The following RPL13 variants were observed in gnomAD, a reference collection of about 807,000 sequenced individuals.
RPL13 encodes the protein ribosomal protein L13.
RPL13 carries 1 observed loss-of-function variant against 21.4 expected under a neutral mutation model. The ratio of observed to expected loss-of-function variants is 0.05; its 90% CI spans 0.02 to 0.22. RPL13 has a LOEUF of 0.22. Ranked by LOEUF, RPL13 falls within the 10% of genes least tolerant of loss-of-function variation. The pLI is 1.00. For synonymous variants in RPL13, 143 were observed against 120.5 expected (o/e 1.19, Z -1.23); for missense variants, 289 against 303.0 (o/e 0.95, Z 0.34).
rs1339544074 is a variant in RPL13 at position 89,564,181 on chromosome 16, G to T, written c.*1139G>T. 1 of 152,140 alleles carries T rather than the reference G, an allele frequency of 6.6e-6. No homozygotes were observed. Among genetic ancestry groups the T allele is most frequent in the African/African-American group, 2.4e-5 (1 of 41,454 alleles). 9.4% of individuals were successfully genotyped at this position (152,140 alleles called of 1,614,324 possible). A position where few individuals can be genotyped will look rare whatever the true frequency, so the allele number is the denominator to read the frequency against. ...GATTCTGTTTTGTCTACATGCCTCT[G>T]CCGGGTGCCGGTATTGAGGCACCCA... On this transcript the variant is annotated 3_prime_UTR_variant, in exon 6 of 6. Transcript: ENST00000311528.
chr16:89,565,173 G>C (rs2058775989), downstream of RPL13: 1 of 152,410 alleles, frequency 6.6e-6, no homozygotes, highest in African/African-American at 2.4e-5. Flanking sequence ...TAACAGGAGA[G>C]GATGGGCTTT....
Position 89,562,419 on chromosome 16 carries a change from C to G in RPL13, c.477+28C>G, listed in dbSNP as rs768460799. On this transcript the variant is annotated intron_variant, in intron 5 of 5. Transcript: ENST00000311528. ...AAGTGAACACTTACTCAAATCCAGG[C>G]TTCAGACGAGATCAGTGGGTGAACA... 1.1e-5 allele frequency: 17 copies of G among 1,606,078 alleles called. No individual in the cohort carries two copies. The Middle Eastern group carries it at 5.0e-4, about 47-fold the overall frequency.
At chr16:89,561,526 G>C (rs765604668) in intron 3 of RPL13, 52 bp from the exon 4 acceptor site, 25 of 1,612,754 alleles carry the variant, frequency 1.6e-5, no homozygotes, top group Non-Finnish European at 2.0e-5. Context: ...TCCAGGCCTC[G>C]GGGCTGGAGA....
chr16:89,564,856 C>T (rs1291165900), downstream of RPL13: 5 of 152,896 alleles, frequency 3.3e-5, no homozygotes, highest in Admixed American at 3.3e-4. Flanking sequence ...TTCCTGCTGC[C>T]TGCGGGGCCG....
chr16:89,566,247 G>T (rs1351138879), downstream of RPL13: 1 of 150,858 alleles, frequency 6.6e-6, no homozygotes, highest in African/African-American at 2.4e-5. Context: ...CACGTGCCCC[G>T]GTGATCGGGG....
intron 4 of RPL13, chr16:89,561,999 T>C: frequency 1.7e-6 from 1 of 591,332 alleles, no homozygotes. Flanking sequence ...ATGCTTCGTA[T>C]TCCAAAATAT....
At position 89,561,336 on chromosome 16, in the gene RPL13, G is replaced by C; in HGVS notation, c.214G>C (p.Ala72Pro). 1.3e-6 allele frequency: 2 copies of C among 1,599,836 alleles called. No homozygotes were observed. Among genetic ancestry groups the C allele is most frequent in the Non-Finnish European group, 1.7e-6 (2 of 1,177,354 alleles). Residue 72 changes from alanine (A) to proline (P), a missense_variant, in exon 3 of 6, where the codon GCC becomes CCC. By Grantham distance (27) the Ala-to-Pro change is conservative. Coordinates refer to ENST00000311528, the MANE Select transcript of RPL13 (RefSeq NM_000977.4). ...GGTTCGGTACCACACGAAGGTGCGCGCCGGCCGCGGCTTCAGCCTGGAGGA... is the reference window on the plus strand; with the variant it reads ...GGTTCGGTACCACACGAAGGTGCGCCCCGGCCGCGGCTTCAGCCTGGAGGA... ...PTVRYHTKVR[A>P]GRGFSLEELR...
chr16:89,566,428 T>G (rs966664640), downstream of RPL13: 1 of 152,266 alleles, frequency 6.6e-6, no homozygotes, highest in Non-Finnish European at 1.5e-5. Context: ...CATGTATTGT[T>G]TATTTTGCTT....
intron 5 of RPL13, 174 bp from the exon 6 acceptor site, chr16:89,562,710 C>CTTT: frequency 3.7e-6 from 2 of 541,496 alleles, no homozygotes; most frequent in Non-Finnish European, 5.9e-6. Flanking sequence ...GAGGGTTTTT[C>CTTT]TTTTTTTTTT....
rs771208542 is a variant in RPL13, at chr16:89,561,423, C to T, written c.246+55C>T. On this transcript the variant is annotated intron_variant, in intron 3 of 5. Coordinates refer to ENST00000311528, the MANE Select transcript of RPL13 (RefSeq NM_000977.4). ...AAGGCCCCGAAGTCCCCTCTGTTGG[C>T]CTCAGTCGCGTGATGACATTCTCCG... is the stretch of plus-strand genomic sequence containing the variant. The T allele has an allele frequency of 1.9e-6, 3 of 1,612,552 alleles. No homozygotes were observed. The Admixed American group carries it at 5.0e-5, about 27-fold the overall frequency.
In RPL13 at chr16:89,564,166, T is replaced by C. The variant is rs953905531; in HGVS notation, c.*1124T>C. The C allele has an allele frequency of 6.6e-6, 1 of 152,138 alleles. No homozygotes were observed. Among genetic ancestry groups the C allele is most frequent in the Admixed American group, 6.5e-5 (1 of 15,290 alleles). 9.4% of individuals were successfully genotyped at this position (152,138 alleles called of 1,614,324 possible). A position where few individuals can be genotyped will look rare whatever the true frequency, so the allele number is the denominator to read the frequency against. ...TCAGGGACCGAGTCAGATTCTGTTT[T>C]GTCTACATGCCTCTGCCGGGTGCCG... On this transcript the variant is annotated 3_prime_UTR_variant, in exon 6 of 6. Coordinates refer to ENST00000311528, the MANE Select transcript of RPL13 (RefSeq NM_000977.4).
At position 89,564,045 on chromosome 16, in the gene RPL13, GC is replaced by G. The variant is rs1423463521; in HGVS notation, c.*1004del. 6.6e-6 allele frequency: 1 copy of G among 152,232 alleles called. No individual in the cohort carries two copies. Among genetic ancestry groups the G allele is most frequent in the African/African-American group, 2.4e-5 (1 of 41,452 alleles). 9.4% of individuals were successfully genotyped at this position (152,232 alleles called of 1,614,324 possible). A position where few individuals can be genotyped will look rare whatever the true frequency, so the allele number is the denominator to read the frequency against. ...GTCCGAGGGCAGCATGGTTTCTCGT[GC>G]AGTGCTCAGACACAGCCTGCCCTAG... On this transcript the variant is annotated 3_prime_UTR_variant, in exon 6 of 6. Coordinates refer to ENST00000311528, the MANE Select transcript of RPL13 (RefSeq NM_000977.4).
At position 89,563,995 on chromosome 16, in the gene RPL13, G is replaced by A. The variant is rs1205410070; in HGVS notation, c.*953G>A. On this transcript the variant is annotated 3_prime_UTR_variant, in exon 6 of 6. Transcript: ENST00000311528. ...AGAGAGTGCCAGGGTGCCCTGGTCT[G>A]AGCTGGCATCCCCATGTCTTCTGTG... 2 of 152,230 alleles carry A rather than the reference G, an allele frequency of 1.3e-5. No individual in the cohort carries two copies. Among genetic ancestry groups the A allele is most frequent in the African/African-American group, 4.8e-5 (2 of 41,460 alleles). 9.4% of individuals were successfully genotyped at this position (152,230 alleles called of 1,614,324 possible).
At position 89,562,919 on chromosome 16, in the gene RPL13, G is replaced by A. The variant is rs200858724; in HGVS notation, c.513G>A (p.Glu171=). ...AGGAGAAAGCTCGAGTCATCACTGA[G>A]GAAGAGAAGAATTTCAAAGCCTTCG... The part of the protein sequence containing the change: ...YKKEKARVIT[E]EEKNFKAFAS... The change falls in exon 6 of 6, where the codon GAG becomes GAA. Residue 171 remains glutamate (E), a synonymous_variant. Coordinates refer to ENST00000311528, the MANE Select transcript of RPL13 (RefSeq NM_000977.4). The A allele has an allele frequency of 1.3e-4, 209 of 1,592,372 alleles. No individual in the cohort carries two copies. The East Asian group carries it at 3.7e-3, about 28-fold the overall frequency.
intron 2 of RPL13, 68 bp downstream of exon 2, chr16:89,561,131 C>G (rs1369847367): frequency 7.2e-6 from 11 of 1,532,492 alleles, no homozygotes; most frequent in Non-Finnish European, 9.6e-6. Flanking sequence ...TGCGGGTGGC[C>G]GATGCCAGGG....
chr16:89,561,975 T>C, intron 4 of RPL13: 1 of 607,030 alleles, frequency 1.6e-6, no homozygotes, highest in Admixed American at 3.2e-5. Flanking sequence ...TCCATTGACG[T>C]TGCTCTCCCT....
At position 89,561,343 on chromosome 16, in the gene RPL13, G is replaced by A. The variant is rs1266890075; in HGVS notation, c.221G>A (p.Arg74His). The change falls in exon 3 of 6, where the codon CGC becomes CAC. Residue 74 changes from arginine (R) to histidine (H), a missense_variant. Arg to His is a conservative substitution (Grantham distance 29). Transcript: ENST00000311528. ...VRYHTKVRAG[R>H]GFSLEELRVA... ...TACCACACGAAGGTGCGCGCCGGCC[G>A]CGGCTTCAGCCTGGAGGAGCTCAGG... 4.4e-6 allele frequency: 7 copies of A among 1,603,090 alleles called. No homozygotes were observed. Among genetic ancestry groups the A allele is most frequent in the Admixed American group, 3.4e-5 (2 of 59,528 alleles).
At position 89,562,805 on chromosome 16, in the gene RPL13, C is replaced by T. The variant is rs1453758206; in HGVS notation, c.478-79C>T. ...ACCTGACCCCCAATCCCCGGGAGGT[C>T]CTCCAGGTTCTCCTGACGCTTGGTT... On this transcript the variant is annotated intron_variant, in intron 5 of 5. Coordinates refer to ENST00000311528, the MANE Select transcript of RPL13 (RefSeq NM_000977.4). 40 of 1,423,090 alleles carry T rather than the reference C, an allele frequency of 2.8e-5. No individual in the cohort carries two copies. The Admixed American group carries it at 5.0e-4, about 18-fold the overall frequency. 88.2% of individuals were successfully genotyped at this position (1,423,090 alleles called of 1,614,324 possible). A position where few individuals can be genotyped will look rare whatever the true frequency, so the allele number is the denominator to read the frequency against.
chr16:89,565,769 CGGCCCTGAGGGGCAGCTGCCATGGCGTG>C (rs2058784631), downstream of RPL13: 2 of 152,270 alleles, frequency 1.3e-5, no homozygotes, highest in South Asian at 4.1e-4. Flanking sequence ...CAGGTTCCGC[CGGCCCTGAGGGGCAGCTGCCATGGCGTG>C]GGTCACTGGG....
Sources: gnomAD v4.1 joint callset for allele counts on GRCh38, gnomAD v4.1.1 for gene constraint, MANE v1.5 for transcripts, NCBI Gene and HGNC (gene_info 2026-07-23, HGNC 2026-07-21) for gene names.